RTL9: variants seen among roughly 807,000 people sequenced by gnomAD.
RTL9 encodes the protein retrotransposon Gag-like protein 9.
A neutral mutation model predicts 44.7 loss-of-function variants in RTL9; 19 were observed. The observed-to-expected ratio is 0.42, with a 90% CI of 0.30 to 0.62. The LOEUF (loss-of-function observed/expected upper bound fraction) is 0.62, where lower values mean the gene tolerates loss of function less well. RTL9 is among the 20% of genes least tolerant of loss of function. RTL9 has a pLI of 0.16. For synonymous variants in RTL9, 407 were observed against 398.9 expected (o/e 1.02, Z -0.24); for missense variants, 1,105 against 1,080.6 (o/e 1.02, Z -0.32).
At chrX:110,448,540 C>T (rs1215116200), upstream of RTL9, among the ~76,000 whole-genome samples, 1 of 108,130 alleles carries the variant, frequency 9.2e-6, no homozygotes, top group Non-Finnish European at 1.9e-5. Flanking sequence ...TTGCATAGGC[C>T]AAGTGCTAAG....
chrX:110,404,153 G>A (rs1249906632), intron 1 of RTL9, among the ~76,000 whole-genome samples: 1 of 112,450 alleles, frequency 8.9e-6, no homozygotes, highest in Non-Finnish European at 1.9e-5. Flanking sequence ...CATCAATAGC[G>A]AGGAAGAACA....
At chrX:110,403,837 C>T (rs775709739) in intron 1 of RTL9, among the ~76,000 whole-genome samples, 11 of 112,112 alleles carry the variant, frequency 9.8e-5, no homozygotes, top group Non-Finnish European at 2.1e-4. Context: ...TGCCTCAGAC[C>T]CCACTGGAGG....
chrX:110,437,569 G>A (rs1414495419), intron 1 of RTL9, among the ~76,000 whole-genome samples: 1 of 111,845 alleles, frequency 8.9e-6, no homozygotes, highest in Non-Finnish European at 1.9e-5. Context: ...TAGAGCTTTG[G>A]GGATGCTGCA....
intron 1 of RTL9, among the ~76,000 whole-genome samples, chrX:110,389,218 T>A (rs2068478233): frequency 8.9e-6 from 1 of 112,802 alleles, no homozygotes; most frequent in Non-Finnish European, 1.9e-5. Context: ...GAATATGCAG[T>A]ATTTATTTTA....
Position 110,422,447 on chromosome X carries a change from C to T in RTL9, c.-168+3312C>T, listed in dbSNP as rs151033294. Among the ~76,000 whole-genome samples, 791 of 112,575 alleles carry T rather than the reference C, an allele frequency of 7.0e-3. 8 individuals carry two copies. Among genetic ancestry groups the T allele is most frequent in the African/African-American group, 0.025 (762 of 30,967 alleles). On this transcript the variant is annotated intron_variant, in intron 1 of 3. Coordinates refer to the RTL9 transcript ENST00000465301. ...TTGCATGTCTGGGCCAGATACGAGA[C>T]CAGGAGGCAAAGCCATATTTACCTG...
At chrX:110,378,329 G>T (rs889810952) in intron 1 of RTL9, among the ~76,000 whole-genome samples, 3 of 111,070 alleles carry the variant, frequency 2.7e-5, no homozygotes, top group Non-Finnish European at 3.8e-5. Flanking sequence ...CCCTAGTTCA[G>T]TTCTTCATCT....
intron 1 of RTL9, among the ~76,000 whole-genome samples, chrX:110,376,929 G>T (rs777290759): frequency 1.3e-4 from 15 of 111,652 alleles, no homozygotes; most frequent in Non-Finnish European, 2.3e-4. Flanking sequence ...GCCTTTCCTT[G>T]AGCACTTCAT....
intron 1 of RTL9, among the ~76,000 whole-genome samples, chrX:110,379,892 T>C (rs779344809): frequency 3.6e-5 from 4 of 112,091 alleles, no homozygotes; most frequent in Non-Finnish European, 7.5e-5. Context: ...TGTGTAGATG[T>C]ATCTATATAT....
upstream of RTL9, among the ~76,000 whole-genome samples, chrX:110,418,886 G>A (rs141495609): frequency 0.038 from 4,268 of 110,908 alleles, 219 homozygotes; most frequent in African/African-American, 0.14. Flanking sequence ...AGCTTCAGCC[G>A]CGGCCTGAGC....
chrX:110,422,089 A>G (rs1294110589), intron 1 of RTL9, among the ~76,000 whole-genome samples: 1 of 113,193 alleles, frequency 8.8e-6, no homozygotes, highest in Admixed American at 9.3e-5. Context: ...GCTGGGATCA[A>G]ATCAGAGAAC....
intron 1 of RTL9, among the ~76,000 whole-genome samples, chrX:110,411,542 G>C (rs997554305): frequency 4.5e-5 from 5 of 112,084 alleles, no homozygotes; most frequent in African/African-American, 1.6e-4. Flanking sequence ...ATTGAGGTAG[G>C]GAGTCTTTGC....
Position 110,367,445 on chromosome X carries a change from C to CT in RTL9, c.-168+8538dup, listed in dbSNP as rs200089151. On this transcript the variant is annotated intron_variant, in intron 1 of 2. Transcript: ENST00000520821. ...ATTCAATGGTCATTTTACTGTTCTCCTTTTTTTTTCGCCCAACAGCGGCAT... is the reference window on the plus strand; with the variant it reads ...ATTCAATGGTCATTTTACTGTTCTCCTTTTTTTTTTCGCCCAACAGCGGCAT... Among the ~76,000 whole-genome samples, 34 of 109,609 alleles carry CT rather than the reference C, an allele frequency of 3.1e-4. No homozygotes were observed. In the South Asian group the frequency reaches 0.011, roughly 36 times the overall value.
At chrX:110,420,156 C>T (rs1258941911) in intron 1 of RTL9, among the ~76,000 whole-genome samples, 2 of 111,722 alleles carry the variant, frequency 1.8e-5, no homozygotes, top group East Asian at 2.8e-4. Flanking sequence ...CCCCCAGGCA[C>T]GATTCTACTA....
exon 1 of RTL9, chrX:110,453,342 A>G: frequency 1.7e-6 from 2 of 1,211,591 alleles, no homozygotes; most frequent in Non-Finnish European, 2.2e-6. Context: ...AGCCTCTGGA[A>G]CTATGTCCAC....
intron 1 of RTL9, among the ~76,000 whole-genome samples, chrX:110,388,418 A>G (rs1433120392): frequency 9.0e-6 from 1 of 111,718 alleles, no homozygotes; most frequent in African/African-American, 3.3e-5. Context: ...CAGCTTTGCA[A>G]TGAGTTTGTG....
chrX:110,422,241 C>G (rs1013826052), intron 1 of RTL9, among the ~76,000 whole-genome samples: 28 of 112,729 alleles, frequency 2.5e-4, no homozygotes, highest in African/African-American at 9.0e-4. Flanking sequence ...CTGTTCCCTC[C>G]CCTGACTGGC....
chrX:110,377,474 T>C (rs1038240062), intron 1 of RTL9, among the ~76,000 whole-genome samples: 4 of 111,749 alleles, frequency 3.6e-5, no homozygotes, highest in Non-Finnish European at 5.6e-5. Flanking sequence ...GCTTTCTTTT[T>C]TTCTTTTAAT....
chrX:110,363,710 C>G (rs2068279067), intron 1 of RTL9, among the ~76,000 whole-genome samples: 1 of 111,493 alleles, frequency 9.0e-6, no homozygotes, highest in African/African-American at 3.3e-5. Context: ...ATGGATGCAT[C>G]AGACTGAATA....
chrX:110,425,081 C>T (rs752431998), intron 1 of RTL9, among the ~76,000 whole-genome samples: 1 of 111,956 alleles, frequency 8.9e-6, no homozygotes, highest in Non-Finnish European at 1.9e-5. Context: ...TGAGTTGTAT[C>T]GCTTCCCTTG....
Sources: gnomAD v4.1 joint callset for allele counts (sites outside exome capture counted in the v4.1 genomes callset) on GRCh38, gnomAD v4.1.1 for gene constraint, MANE v1.5 for transcripts, NCBI Gene and HGNC (gene_info 2026-07-23, HGNC 2026-07-21) for gene names.